Variants in CCDC150 observed in about 807,000 individuals in gnomAD.
The protein encoded by CCDC150 is coiled-coil domain-containing protein 150.
In CCDC150, 151 loss-of-function variants were observed where a neutral mutation model predicts 156.5. That is an observed-to-expected ratio of 0.97 (90% CI 0.85 to 1.10). CCDC150 has a LOEUF of 1.10. CCDC150 is among the 50% of genes least tolerant of loss of function. CCDC150 has a pLI of 0.00. For missense variants in CCDC150, 1,312 were observed against 1,268.1 expected (o/e 1.03, Z -0.53); for synonymous variants, 452 against 429.4 (o/e 1.05, Z -0.65).
chr2:196,672,368 G>T lies in CCDC150; in HGVS notation c.960G>T (p.Lys320Asn). 1 of 1,535,554 alleles carries T rather than the reference G, an allele frequency of 6.5e-7. No individual in the cohort carries two copies. The highest frequency in any genetic ancestry group is 8.7e-7 in the Non-Finnish European group (1 of 1,144,052). Residue 320 changes from lysine (K) to asparagine (N), a missense_variant, in exon 9 of 28, where the codon AAG (lysine) becomes AAT (asparagine). Coordinates refer to ENST00000389175, the MANE Select transcript of CCDC150 (RefSeq NM_001080539.2). ...ENKNLQISFN[K>N]EHEENAYLRS... ...AGAACCTGCAGATATCTTTCAACAAGGAACATGAAGAAAATGCATATTTGA... is the reference window on the plus strand; with the variant it reads ...AGAACCTGCAGATATCTTTCAACAATGAACATGAAGAAAATGCATATTTGA...
intron 17 of CCDC150, 122 bp from the exon 18 acceptor site, chr2:196,718,380 TG>T: frequency 1.5e-6 from 1 of 652,412 alleles, no homozygotes; most frequent in Admixed American, 3.4e-5. Context: ...CTAATAAAGA[TG>T]GGTTCTATTT....
chr2:196,678,140 A>C (rs1330737732), intron 13 of CCDC150, among the ~76,000 whole-genome samples: 1 of 152,214 alleles, frequency 6.6e-6, no homozygotes, highest in Non-Finnish European at 1.5e-5. Flanking sequence ...ACAAGAACCA[A>C]TCTTTAAAAC....
chr2:196,729,977 T>G lies in CCDC150; in HGVS notation c.2841T>G (p.Phe947Leu). ...TCCAGTCTTTGAGTATCCAGAGATT[T>G]GTGTGTGAAATGACTAACCTGCAGA... ...NYEQSLSIQR[F>L]VCEMTNLQKE... The change falls in exon 25 of 28, where the codon TTT (phenylalanine) becomes TTG (leucine). Residue 947 changes from phenylalanine to leucine, a missense_variant. Transcript: ENST00000389175. 6.2e-7 allele frequency: 1 copy of G among 1,613,200 alleles called. No individual in the cohort carries two copies. The highest frequency in any genetic ancestry group is 2.2e-5 in the East Asian group (1 of 44,878).
At chr2:196,731,516 A>G (rs1698522718) in intron 26 of CCDC150, among the ~76,000 whole-genome samples, 1 of 150,812 alleles carries the variant, frequency 6.6e-6, no homozygotes, top group African/African-American at 2.4e-5. Flanking sequence ...TGAGCCTCCC[A>G]AGTAGCCAAG....
At chr2:196,676,487 T>TAATTGC (rs1444531874) in intron 11 of CCDC150, 67 bp from the exon 12 acceptor site, 2 of 1,415,160 alleles carry the variant, frequency 1.4e-6, no homozygotes, top group African/African-American at 2.9e-5. Context: ...TAAGAACATT[T>TAATTGC]AATTGCTCTT....
chr2:196,663,229 A>T (rs1693654748), intron 5 of CCDC150, among the ~76,000 whole-genome samples: 1 of 152,180 alleles, frequency 6.6e-6, no homozygotes, highest in South Asian at 2.1e-4. Flanking sequence ...ACACAGTGAG[A>T]CCCAGTCTCA....
At chr2:196,689,672 A>G (rs1195071813) in intron 13 of CCDC150, among the ~76,000 whole-genome samples, 4 of 151,618 alleles carry the variant, frequency 2.6e-5, no homozygotes, top group Non-Finnish European at 4.4e-5. Context: ...TTCTAGATAT[A>G]CAATCATGTC....
rs1697253354 is a variant in CCDC150 at position 196,713,150 on chromosome 2, A to G, written c.1866+411A>G. Reference sequence around the variant, plus strand: ...GGCCTCATTAGATGCGCTCTCTGACAGGGAAGTTGGCATAAGGTCTGTTTC... The same window carrying G: ...GGCCTCATTAGATGCGCTCTCTGACGGGGAAGTTGGCATAAGGTCTGTTTC... On this transcript the variant is annotated intron_variant, in intron 17 of 27. Coordinates refer to ENST00000389175, the MANE Select transcript of CCDC150 (RefSeq NM_001080539.2). 3 of 700,288 alleles carry G rather than the reference A, an allele frequency of 4.3e-6. No individual in the cohort carries two copies. In the Admixed American group the frequency reaches 1.1e-4, roughly 26 times the overall value. 43.4% of individuals were successfully genotyped at this position (700,288 alleles called of 1,614,324 possible). A position where few individuals can be genotyped will look rare whatever the true frequency, so the allele number is the denominator to read the frequency against.
At chr2:196,713,942 C>T (rs1402675974) in intron 17 of CCDC150, among the ~76,000 whole-genome samples, 3 of 151,978 alleles carry the variant, frequency 2.0e-5, no homozygotes, top group Non-Finnish European at 2.9e-5. Flanking sequence ...AAATTTCTAC[C>T]TAATCTTAAC....
At chr2:196,731,535 CA>C (rs1308277476) in intron 26 of CCDC150, among the ~76,000 whole-genome samples, 1 of 150,884 alleles carries the variant, frequency 6.6e-6, no homozygotes, top group African/African-American at 2.4e-5. Context: ...AGTAGCTGGG[CA>C]TGGTGGTGCA....
chr2:196,695,406 C>G (rs1194269322), intron 14 of CCDC150, among the ~76,000 whole-genome samples: 1 of 152,136 alleles, frequency 6.6e-6, no homozygotes, highest in Non-Finnish European at 1.5e-5. Context: ...TAAAATAGTT[C>G]CTCTTCCATA....
intron 13 of CCDC150, among the ~76,000 whole-genome samples, chr2:196,689,726 A>G (rs923276103): frequency 1.1e-4 from 17 of 151,944 alleles, no homozygotes; most frequent in Non-Finnish European, 1.9e-4. Flanking sequence ...TCCTAATTGA[A>G]TACCCTTTAT....
At chr2:196,694,361 A>AT (rs1453117766) in intron 13 of CCDC150, among the ~76,000 whole-genome samples, 1 of 152,118 alleles carries the variant, frequency 6.6e-6, no homozygotes, top group African/African-American at 2.4e-5. Flanking sequence ...TGGCTGGAAG[A>AT]TTTTTGCATC....
chr2:196,659,986 C>G (rs1165552696), intron 5 of CCDC150, among the ~76,000 whole-genome samples: 2 of 152,172 alleles, frequency 1.3e-5, no homozygotes, highest in African/African-American at 4.8e-5. Flanking sequence ...CATCCTTCCT[C>G]ATGTCTTCCC....
In CCDC150 at chr2:196,677,042, G is replaced by T. The variant is rs1360071439; in HGVS notation, c.1441-251G>T. 6 of 682,170 alleles carry T rather than the reference G, an allele frequency of 8.8e-6. No homozygotes were observed. The Admixed American group carries it at 1.2e-4, about 14-fold the overall frequency. The allele number at this position is 682,170 out of a possible 1,614,324, so 42.3% of individuals were successfully genotyped here. ...GGAGTGGGACAGCGAAGGTTAAGGG[G>T]GAACAGCCCTGTCTTCCTACTTAGG... is the stretch of plus-strand genomic sequence containing the variant. On this transcript the variant is annotated intron_variant, in intron 12 of 27. Transcript: ENST00000389175.
intron 1 of CCDC150, among the ~76,000 whole-genome samples, chr2:196,645,242 A>G (rs776457537): frequency 2.0e-5 from 3 of 152,208 alleles, no homozygotes; most frequent in Non-Finnish European, 2.9e-5. Context: ...CAGCCCCACC[A>G]TGATTCTTGC....
chr2:196,642,893 C>T (rs1692320884), intron 1 of CCDC150, among the ~76,000 whole-genome samples: 1 of 152,158 alleles, frequency 6.6e-6, no homozygotes, highest in African/African-American at 2.4e-5. Flanking sequence ...GCACAGGCCA[C>T]CATGCCCAGC....
chr2:196,692,977 G>T (rs1224283959), intron 13 of CCDC150, among the ~76,000 whole-genome samples: 1 of 152,184 alleles, frequency 6.6e-6, no homozygotes, highest in Non-Finnish European at 1.5e-5. Context: ...CTAAGAACTT[G>T]CTTTGTGAAT....
intron 21 of CCDC150, among the ~76,000 whole-genome samples, chr2:196,722,418 G>A (rs1437592146): frequency 6.7e-6 from 1 of 150,290 alleles, no homozygotes; most frequent in Non-Finnish European, 1.5e-5. Context: ...TGGAACTACA[G>A]GCATGCATCA....
Sources: gnomAD v4.1 joint callset for allele counts (sites outside exome capture counted in the v4.1 genomes callset) on GRCh38, gnomAD v4.1.1 for gene constraint, MANE v1.5 for transcripts, NCBI Gene and HGNC (gene_info 2026-07-23, HGNC 2026-07-21) for gene names.